The following IGF2BP1 variants were observed in gnomAD, a reference collection of about 807,000 sequenced individuals.
IGF2BP1 encodes insulin like growth factor 2 mRNA binding protein 1, also known as insulin-like growth factor 2 mRNA-binding protein 1.
A neutral mutation model predicts 74.9 loss-of-function variants in IGF2BP1; 11 were observed. The ratio of observed to expected loss-of-function variants is 0.15; its 90% CI spans 0.09 to 0.24. The LOEUF is 0.24. IGF2BP1 is among the 10% of genes least tolerant of loss of function. The pLI is 1.00. For missense variants in IGF2BP1, 440 were observed against 757.4 expected, an observed-to-expected ratio of 0.58 and a Z score of 4.92; for synonymous variants, 287 against 281.8, an observed-to-expected ratio of 1.02 and a Z score of -0.18.
rs34560426 is a variant in IGF2BP1, at chr17:49,023,920, C to CTT, written c.237-1683_237-1682dup. ...GAAAGCCTTCCTCAGGGAAAACTAC[C>CTT]TTTTTTTTTTTTTTTTAAACAAGTC... On this transcript the variant is annotated intron_variant, in intron 2 of 14. Transcript: ENST00000290341. 3.1e-3 allele frequency among the ~76,000 whole-genome samples: 430 copies of CTT among 138,436 alleles called. 1 individual carries two copies. Among genetic ancestry groups the CTT allele is most frequent in the African/African-American group, 0.011 (410 of 37,650 alleles). The allele number at this position is 138,436 out of a possible 152,430, so 90.8% of individuals were successfully genotyped here.
Position 48,997,684 on chromosome 17 carries a change from C to T in IGF2BP1, c.-62C>T, listed in dbSNP as rs2041423940. On this transcript the variant is annotated 5_prime_UTR_variant, in exon 1 of 15. Coordinates refer to ENST00000290341, the MANE Select transcript of IGF2BP1 (RefSeq NM_006546.4). This position sits in a 1 kb window ranked among gnomAD's most constrained non-coding sequence, Gnocchi z 4.8. The stretch of plus-strand genomic sequence containing the variant: ...TCTCCGCCTCTTGGCCTAGGAGGCT[C>T]GCCGCCCGCGCCCGCTCGTTCGGCC... 1.9e-6 allele frequency: 3 copies of T among 1,563,086 alleles called. No homozygotes were observed. The highest frequency in any genetic ancestry group is 2.6e-6 in the Non-Finnish European group (3 of 1,149,004).
chr17:49,049,285 C>T (rs748595237), intron 14 of IGF2BP1, 67 bp from the exon 15 acceptor site: 16 of 1,360,228 alleles, frequency 1.2e-5, no homozygotes, highest in Non-Finnish European at 1.5e-5. Flanking sequence ...ACCTGATGAC[C>T]TCTCTTCCGT....
rs2041428362 is a variant in IGF2BP1 at position 48,997,954 on chromosome 17, A to G, written c.175+34A>G. ...ACAGCCACCTCCCGGAAAAGCCACA[A>G]CGAGAGCCCCGAACAACGGAGACCC... On this transcript the variant is annotated intron_variant, in intron 1 of 14. Transcript: ENST00000290341. This position sits in a 1 kb window ranked among gnomAD's most constrained non-coding sequence, Gnocchi z 4.8. The G allele has an allele frequency of 6.2e-7, 1 of 1,603,916 alleles. No individual in the cohort carries two copies. Among genetic ancestry groups the G allele is most frequent in the Non-Finnish European group, 8.5e-7 (1 of 1,174,478 alleles).
intron 4 of IGF2BP1, among the ~76,000 whole-genome samples, chr17:49,027,395 G>A (rs1480429484): frequency 6.6e-6 from 1 of 152,108 alleles, no homozygotes; most frequent in African/African-American, 2.4e-5. Context: ...ATAATCAACC[G>A]GTTGTCTCTT....
At chr17:49,023,652 T>C (rs538973097) in intron 2 of IGF2BP1, among the ~76,000 whole-genome samples, 1 of 152,286 alleles carries the variant, frequency 6.6e-6, no homozygotes, top group Non-Finnish European at 1.5e-5. Context: ...GAGGCTTAAT[T>C]AGAGGGACAG....
chr17:49,034,442 A>C (rs543036567), intron 5 of IGF2BP1, among the ~76,000 whole-genome samples: 1 of 151,076 alleles, frequency 6.6e-6, no homozygotes, highest in Non-Finnish European at 1.5e-5. Context: ...TAAACCTCAA[A>C]ATCTTTAAAA....
intron 14 of IGF2BP1, among the ~76,000 whole-genome samples, chr17:49,048,753 G>A (rs2042134023): frequency 6.6e-6 from 1 of 152,174 alleles, no homozygotes; most frequent in South Asian, 2.1e-4. Flanking sequence ...AGATCAGGGC[G>A]GCATTAGATT....
At chr17:49,034,027 G>A (rs2041953593) in intron 5 of IGF2BP1, among the ~76,000 whole-genome samples, 1 of 149,412 alleles carries the variant, frequency 6.7e-6, no homozygotes, top group Non-Finnish European at 1.5e-5. Flanking sequence ...GTCTCGCTAT[G>A]TTGCCCAGGC....
chr17:49,042,442 T>C, intron 9 of IGF2BP1, 65 bp downstream of exon 9: 1 of 1,572,874 alleles, frequency 6.4e-7, no homozygotes, highest in Admixed American at 1.7e-5. Flanking sequence ...GCTTGTGGGG[T>C]GCAGGGTGAT....
At chr17:49,012,962 G>A (rs1380025707) in intron 2 of IGF2BP1, 3 of 152,050 alleles carry the variant, frequency 2.0e-5, no homozygotes, top group Admixed American at 6.5e-5. Flanking sequence ...GCAGGAACAG[G>A]CTGCACAGTG....
chr17:49,042,851 T>A (rs556236722), intron 9 of IGF2BP1, among the ~76,000 whole-genome samples: 4 of 152,052 alleles, frequency 2.6e-5, no homozygotes, highest in Non-Finnish European at 5.9e-5. Flanking sequence ...GCTAATTTTT[T>A]AAAATTTTAT....
chr17:49,019,914 A>G (rs1177154252), intron 2 of IGF2BP1, among the ~76,000 whole-genome samples: 4 of 34,000 alleles, frequency 1.2e-4, no homozygotes, highest in African/African-American at 7.8e-4. Context: ...TTATATATAT[A>G]TATATATATA....
intron 4 of IGF2BP1, 61 bp from the exon 5 acceptor site, chr17:49,031,849 G>T (rs2041924675): frequency 7.0e-7 from 1 of 1,431,168 alleles, no homozygotes; most frequent in Admixed American, 1.7e-5. Context: ...TGGAGTTGGG[G>T]ATTCATTGAT....
At chr17:49,010,608 T>C (rs1478234328) in intron 2 of IGF2BP1, among the ~76,000 whole-genome samples, 4 of 152,064 alleles carry the variant, frequency 2.6e-5, no homozygotes, top group Non-Finnish European at 4.4e-5. Context: ...CTAAAGAAAA[T>C]GGAAGCCTTT....
chr17:49,044,907 TG>T, intron 11 of IGF2BP1, 83 bp from the exon 12 acceptor site: 1 of 1,146,406 alleles, frequency 8.7e-7, no homozygotes, highest in South Asian at 1.3e-5. Flanking sequence ...GGAGTAAGGG[TG>T]GTAGAAGGGG....
At chr17:49,030,904 A>T (rs1332770786) in intron 4 of IGF2BP1, among the ~76,000 whole-genome samples, 1 of 152,022 alleles carries the variant, frequency 6.6e-6, no homozygotes, top group African/African-American at 2.4e-5. Context: ...GCTGGGGATT[A>T]CAGGTGTGAG....
chr17:49,030,439 G>A (rs2041909473), intron 4 of IGF2BP1, among the ~76,000 whole-genome samples: 4 of 152,048 alleles, frequency 2.6e-5, no homozygotes, highest in Admixed American at 2.6e-4. Context: ...ACTGTGCCCG[G>A]CCTCTGTTTA....
At chr17:49,043,682 C>T in intron 10 of IGF2BP1, 132 bp downstream of exon 10, 1 of 1,137,090 alleles carries the variant, frequency 8.8e-7, no homozygotes, top group Non-Finnish European at 1.2e-6. Flanking sequence ...TCAGAGGCAT[C>T]CCTCCTCTCC....
Position 49,038,254 on chromosome 17 carries a change from C to A in IGF2BP1, c.488C>A (p.Pro163His), listed in dbSNP as rs1373372719. 5 of 1,598,052 alleles carry A rather than the reference C, an allele frequency of 3.1e-6. No homozygotes were observed. The Admixed American group carries it at 8.7e-5, about 28-fold the overall frequency. ...YIPDEQIAQG[P>H]ENGRRGGFGS... Reference sequence around the variant, plus strand: ...CCCGATGAGCAGATAGCACAGGGACCTGAGAATGGGCGCCGAGGGGGCTTT... The same window carrying A: ...CCCGATGAGCAGATAGCACAGGGACATGAGAATGGGCGCCGAGGGGGCTTT... Residue 163 changes from proline to histidine, a missense_variant, in exon 6 of 15, where the codon CCT (proline) becomes CAT (histidine). Transcript: ENST00000290341.
Sources: gnomAD v4.1 joint callset for allele counts (sites outside exome capture counted in the v4.1 genomes callset) on GRCh38, gnomAD v4.1.1 for gene constraint, Gnocchi (gnomAD v3.1) non-coding constraint, MANE v1.5 for transcripts, NCBI Gene and HGNC (gene_info 2026-07-23, HGNC 2026-07-21) for gene names.